Variants in KPNA3 observed in about 807,000 individuals in gnomAD.
The protein encoded by KPNA3 is karyopherin subunit alpha 3.
KPNA3 carries 13 observed loss-of-function variants against 73.8 expected under a neutral mutation model. The ratio of observed to expected loss-of-function variants is 0.18; its 90% CI spans 0.11 to 0.28. KPNA3 has a LOEUF of 0.28. Ranked by LOEUF, KPNA3 falls within the 10% of genes least tolerant of loss-of-function variation. KPNA3 has a pLI of 1.00. For missense variants in KPNA3, 360 were observed against 618.1 expected (o/e 0.58, Z 4.43); for synonymous variants, 186 against 206.9 (o/e 0.90, Z 0.87).
chr13:49,710,706 T>C (rs1021801604), intron 11 of KPNA3, among the ~76,000 whole-genome samples, 185 bp downstream of exon 11: 3 of 152,162 alleles, frequency 2.0e-5, no homozygotes, highest in Non-Finnish European at 4.4e-5. Flanking sequence ...GCTATACAAG[T>C]GTGGAACTCA....
rs1954131730 is a variant in KPNA3 at position 49,699,813 on chromosome 13, T to G, written c.*1987A>C. On this transcript the variant is annotated 3_prime_UTR_variant, in exon 17 of 17. Coordinates refer to ENST00000261667, the MANE Select transcript of KPNA3 (RefSeq NM_002267.4). ...GACTTTTAAGGGTTTCACCGAAGTT[T>G]GTGACCTTAATTAGCTTTTACGTTG... The G allele has an allele frequency of 6.6e-6, 1 of 152,662 alleles. No individual in the cohort carries two copies. Among genetic ancestry groups the G allele is most frequent in the Admixed American group, 6.5e-5 (1 of 15,278 alleles). 9.5% of individuals were successfully genotyped at this position (152,662 alleles called of 1,614,324 possible).
intron 15 of KPNA3, among the ~76,000 whole-genome samples, chr13:49,703,415 C>T (rs566418103): frequency 5.3e-5 from 8 of 150,996 alleles, no homozygotes; most frequent in Middle Eastern, 3.4e-3. Flanking sequence ...CTCCTGACCT[C>T]GTGATTCGCC....
chr13:49,791,567 C>G (rs1005607837), intron 1 of KPNA3, among the ~76,000 whole-genome samples: 1 of 152,148 alleles, frequency 6.6e-6, no homozygotes, highest in African/African-American at 2.4e-5. Flanking sequence ...TAGCTTGGAG[C>G]AAGAGGTATG....
At chr13:49,721,719 C>T (rs1954360539) in intron 9 of KPNA3, among the ~76,000 whole-genome samples, 1 of 152,138 alleles carries the variant, frequency 6.6e-6, no homozygotes, top group South Asian at 2.1e-4. Flanking sequence ...ACTCAGGAGG[C>T]TGAGGCAGGA....
intron 10 of KPNA3, among the ~76,000 whole-genome samples, chr13:49,716,475 G>A (rs928296536): frequency 3.3e-5 from 5 of 151,578 alleles, no homozygotes. Flanking sequence ...ATCTCGCTCT[G>A]TTGCCCACGT....
intron 10 of KPNA3, among the ~76,000 whole-genome samples, chr13:49,714,865 G>A (rs555811612): frequency 2.8e-4 from 42 of 152,020 alleles, no homozygotes; most frequent in African/African-American, 9.2e-4. Context: ...TATCACTTAC[G>A]TGAATGCTGA....
At chr13:49,706,425 T>C in intron 12 of KPNA3, 53 bp from the exon 13 acceptor site, 1 of 1,193,620 alleles carries the variant, frequency 8.4e-7, no homozygotes, top group Non-Finnish European at 1.2e-6. Flanking sequence ...ATACCTTTAA[T>C]GTCTTTCTAA....
intron 1 of KPNA3, among the ~76,000 whole-genome samples, chr13:49,790,066 C>T (rs1224558176): frequency 6.6e-6 from 1 of 152,202 alleles, no homozygotes; most frequent in Non-Finnish European, 1.5e-5. Flanking sequence ...TATTCCTTAT[C>T]CCCAAGACCT....
rs577010457 is a variant in KPNA3 at position 49,701,736 on chromosome 13, C to G, written c.*64G>C. 2.6e-5 allele frequency: 25 copies of G among 976,574 alleles called. No individual in the cohort carries two copies. The highest frequency in any genetic ancestry group is 2.1e-4 in the Middle Eastern group (1 of 4,800). 60.5% of individuals were successfully genotyped at this position (976,574 alleles called of 1,614,324 possible). A position where few individuals can be genotyped will look rare whatever the true frequency, so the allele number is the denominator to read the frequency against. The stretch of plus-strand genomic sequence containing the variant: ...AGCCTTTTGTTGCTGTTGTTCTTAT[C>G]ATTTGGTAGCCATCTGGTGGTGCTT... On this transcript the variant is annotated 3_prime_UTR_variant, in exon 17 of 17. Coordinates refer to ENST00000261667, the MANE Select transcript of KPNA3 (RefSeq NM_002267.4).
At chr13:49,720,943 G>A (rs1954350779) in intron 9 of KPNA3, among the ~76,000 whole-genome samples, 2 of 152,122 alleles carry the variant, frequency 1.3e-5, no homozygotes, top group South Asian at 2.1e-4. Context: ...TAGGCCGTGG[G>A]GGCAGTGGCT....
intron 16 of KPNA3, 93 bp from the exon 17 acceptor site, chr13:49,701,991 C>A (rs535819609): frequency 2.7e-6 from 2 of 749,520 alleles, no homozygotes; most frequent in Admixed American, 2.4e-5. Flanking sequence ...GCAAATAATT[C>A]TATGTGAATG....
chr13:49,758,700 A>ATG (rs1037666064), intron 1 of KPNA3, among the ~76,000 whole-genome samples: 5 of 152,160 alleles, frequency 3.3e-5, no homozygotes, highest in Non-Finnish European at 5.9e-5. Context: ...GTGTGTGTTT[A>ATG]TGTGTGTATG....
chr13:49,712,456 C>T (rs1355565701), intron 10 of KPNA3, among the ~76,000 whole-genome samples: 1 of 150,670 alleles, frequency 6.6e-6, no homozygotes, highest in African/African-American at 2.4e-5. Flanking sequence ...ATAAATGAAC[C>T]CAAAGATACA....
chr13:49,704,100 T>C (rs1954177363), intron 15 of KPNA3, among the ~76,000 whole-genome samples: 1 of 152,126 alleles, frequency 6.6e-6, no homozygotes, highest in Non-Finnish European at 1.5e-5. Flanking sequence ...ACAAGACTCC[T>C]TAAAATCTGT....
chr13:49,746,705 A>T (rs1385529545), intron 2 of KPNA3, among the ~76,000 whole-genome samples: 1 of 152,224 alleles, frequency 6.6e-6, no homozygotes, highest in African/African-American at 2.4e-5. Context: ...AGGATGTCAA[A>T]GAAAATGTAT....
In KPNA3 at chr13:49,792,539, G is replaced by A; in HGVS notation, c.-33C>T. 1.3e-6 allele frequency: 2 copies of A among 1,516,022 alleles called. No individual in the cohort carries two copies. The highest frequency in any genetic ancestry group is 8.9e-7 in the Non-Finnish European group (1 of 1,119,176). 93.9% of individuals were successfully genotyped at this position (1,516,022 alleles called of 1,614,324 possible). A position where few individuals can be genotyped will look rare whatever the true frequency, so the allele number is the denominator to read the frequency against. On this transcript the variant is annotated 5_prime_UTR_variant, in exon 1 of 17. Transcript: ENST00000261667. Reference sequence around the variant, plus strand: ...CGCGGCTCCGGCGGCGGCTACTCCTGCGGCTGCGGCGGCGGCGGCGGCGAA... The same window carrying A: ...CGCGGCTCCGGCGGCGGCTACTCCTACGGCTGCGGCGGCGGCGGCGGCGAA...
intron 2 of KPNA3, among the ~76,000 whole-genome samples, chr13:49,738,009 CTA>C (rs1375721972): frequency 6.6e-6 from 1 of 152,138 alleles, no homozygotes; most frequent in Non-Finnish European, 1.5e-5. Flanking sequence ...AGAAAATTCT[CTA>C]TGTTTTTTCC....
chr13:49,735,109 A>T (rs1954510094), intron 2 of KPNA3, among the ~76,000 whole-genome samples: 1 of 152,124 alleles, frequency 6.6e-6, no homozygotes, highest in Non-Finnish European at 1.5e-5. Flanking sequence ...TCTATGGCAC[A>T]AGAACCATAT....
intron 2 of KPNA3, among the ~76,000 whole-genome samples, chr13:49,737,609 G>A (rs1417268596): frequency 8.7e-6 from 1 of 115,292 alleles, no homozygotes; most frequent in Non-Finnish European, 1.9e-5. Context: ...GTGTGTGTGT[G>A]TGTAAGAGCC....
Sources: gnomAD v4.1 joint callset for allele counts (sites outside exome capture counted in the v4.1 genomes callset) on GRCh38, gnomAD v4.1.1 for gene constraint, MANE v1.5 for transcripts, NCBI Gene and HGNC (gene_info 2026-07-23, HGNC 2026-07-21) for gene names.